Variants in FERMT2 observed in about 807,000 individuals in gnomAD.
FERMT2 encodes the protein FERM domain containing kindlin 2.
A neutral mutation model predicts 82.7 loss-of-function variants in FERMT2; 15 were observed. That is an observed-to-expected ratio of 0.18 (90% CI 0.12 to 0.28). FERMT2 has a LOEUF of 0.28. Among genes scored for constraint, FERMT2 ranks in the 10% least tolerant of loss-of-function variants. The pLI, the probability that FERMT2 is intolerant of heterozygous loss-of-function variation, is 1.00. For missense variants in FERMT2, 645 were observed against 809.4 expected (o/e 0.80, Z 2.46); for synonymous variants, 274 against 271.5 (o/e 1.01, Z -0.09).
chr14:52,918,592 T>C (rs1342404217), intron 3 of FERMT2, among the ~76,000 whole-genome samples: 1 of 152,254 alleles, frequency 6.6e-6, no homozygotes, highest in Non-Finnish European at 1.5e-5. Context: ...TTTTCTCAGA[T>C]GGTTGAATAC....
At chr14:52,883,518 C>G (rs774253037) in intron 4 of FERMT2, among the ~76,000 whole-genome samples, 1 of 152,092 alleles carries the variant, frequency 6.6e-6, no homozygotes, top group African/African-American at 2.4e-5. Context: ...AAATCTGTTA[C>G]GAAGAATGTC....
At chr14:52,899,571 T>C (rs1197796364) in intron 3 of FERMT2, among the ~76,000 whole-genome samples, 1 of 152,152 alleles carries the variant, frequency 6.6e-6, no homozygotes, top group Non-Finnish European at 1.5e-5. Flanking sequence ...TGTGAGCCAC[T>C]GCACCTAGCC....
intron 4 of FERMT2, among the ~76,000 whole-genome samples, chr14:52,885,116 C>T (rs2140129708): frequency 6.6e-6 from 1 of 151,980 alleles, no homozygotes; most frequent in East Asian, 1.9e-4. Flanking sequence ...AGTTTGAGAC[C>T]AGCCTAGCCA....
intron 3 of FERMT2, among the ~76,000 whole-genome samples, chr14:52,914,657 T>C (rs1201564286): frequency 6.6e-6 from 1 of 152,190 alleles, no homozygotes; most frequent in Admixed American, 6.5e-5. Context: ...TGGTGGCTCA[T>C]GCCTGCAATC....
At chr14:52,886,081 A>C (rs937916745) in intron 4 of FERMT2, among the ~76,000 whole-genome samples, 3 of 152,210 alleles carry the variant, frequency 2.0e-5, no homozygotes, top group Non-Finnish European at 2.9e-5. Flanking sequence ...AATTAATAGA[A>C]TATAAATGGC....
intron 4 of FERMT2, among the ~76,000 whole-genome samples, chr14:52,890,230 G>T (rs1886859844): frequency 6.6e-6 from 1 of 151,388 alleles, no homozygotes; most frequent in Admixed American, 6.6e-5. Context: ...AGGTCAGGAG[G>T]TGAGGAGTTC....
chr14:52,893,567 A>G, intron 3 of FERMT2, 140 bp from the exon 4 acceptor site: 1 of 617,584 alleles, frequency 1.6e-6, no homozygotes, highest in Middle Eastern at 4.4e-4. Context: ...GTCATGCAAA[A>G]CACTGATTAT....
chr14:52,872,801 C>T lies in FERMT2; in HGVS notation c.1271G>A (p.Arg424Lys), dbSNP rs768397781. The T allele has an allele frequency of 5.8e-5, 93 of 1,613,650 alleles. No individual in the cohort carries two copies. The highest frequency in any genetic ancestry group is 7.7e-5 in the Non-Finnish European group (91 of 1,179,866). The change falls in exon 10 of 15, where the codon AGG (arginine) becomes AAG (lysine). Residue 424 changes from arginine to lysine, a missense_variant and splice_region_variant. Transcript: ENST00000341590. ...CAGCCGTGCCAGGCTCTCCTTACCC[C>T]TGAGGTTCATCTGATGAGCTGGTGT... ...SGTPAHQMNL[R>K]GCEVTPDVNI...
chr14:52,864,258 G>T, intron 12 of FERMT2, 143 bp downstream of exon 12: 1 of 617,042 alleles, frequency 1.6e-6, no homozygotes, highest in Non-Finnish European at 2.8e-6. Context: ...TCAGATTAGG[G>T]ATACTCTAAC....
At chr14:52,869,299 C>T (rs2025634) in intron 10 of FERMT2, among the ~76,000 whole-genome samples, 115,444 of 152,028 alleles carry the variant, frequency 0.76, 46,814 homozygotes, top group Non-Finnish European at 0.89. Context: ...TTACCCAGGA[C>T]TGAGTTTTTC....
chr14:52,934,433 T>C (rs563269725), intron 2 of FERMT2, among the ~76,000 whole-genome samples: 3 of 152,366 alleles, frequency 2.0e-5, no homozygotes, highest in African/African-American at 7.2e-5. Flanking sequence ...ATATAATTTA[T>C]GATGTGGAGC....
At chr14:52,933,242 G>C (rs937684850) in intron 2 of FERMT2, among the ~76,000 whole-genome samples, 1 of 151,820 alleles carries the variant, frequency 6.6e-6, no homozygotes, top group Non-Finnish European at 1.5e-5. Flanking sequence ...CAAGTATTAC[G>C]GAGTCTATCC....
intron 9 of FERMT2, among the ~76,000 whole-genome samples, chr14:52,873,922 G>A (rs1219912389): frequency 6.6e-6 from 1 of 151,140 alleles, no homozygotes; most frequent in Non-Finnish European, 1.5e-5. Flanking sequence ...TTCAGCATCT[G>A]TATGATGCAA....
intron 4 of FERMT2, 84 bp downstream of exon 4, chr14:52,893,209 T>C (rs1459472605): frequency 4.7e-6 from 6 of 1,280,632 alleles, no homozygotes; most frequent in African/African-American, 1.5e-5. Context: ...CTGACCTACA[T>C]GATCCATTTA....
chr14:52,943,595 T>C (rs1437936225), intron 2 of FERMT2, among the ~76,000 whole-genome samples: 6 of 152,236 alleles, frequency 3.9e-5, no homozygotes, highest in African/African-American at 1.4e-4. Context: ...GTGATCACTA[T>C]ACTGTAATTA....
At chr14:52,893,536 T>C in intron 3 of FERMT2, 109 bp from the exon 4 acceptor site, 2 of 827,356 alleles carry the variant, frequency 2.4e-6, no homozygotes, top group Non-Finnish European at 3.7e-6. Context: ...TCTGTATGTC[T>C]GAGTTGTGTC....
Position 52,872,781 on chromosome 14 carries a change from G to C in FERMT2, c.1273+18C>G. On this transcript the variant is annotated intron_variant, in intron 10 of 14. Transcript: ENST00000341590. ...GGGGATGCCACCATCAACAACAGCC[G>C]TGCCAGGCTCTCCTTACCCCTGAGG... is the stretch of plus-strand genomic sequence containing the variant. 6.2e-7 allele frequency: 1 copy of C among 1,612,838 alleles called. No individual in the cohort carries two copies. The highest frequency in any genetic ancestry group is 8.5e-7 in the Non-Finnish European group (1 of 1,179,532).
chr14:52,878,625 A>G lies in FERMT2; in HGVS notation c.920T>C (p.Ile307Thr), dbSNP rs367678207. 3.8e-5 allele frequency: 61 copies of G among 1,610,884 alleles called. No homozygotes were observed. Among genetic ancestry groups the G allele is most frequent in the African/African-American group, 1.5e-4 (11 of 74,892 alleles). The change falls in exon 7 of 15, where the codon ATT becomes ACT. Residue 307 changes from isoleucine (I) to threonine (T), a missense_variant. Ile to Thr is a moderately conservative substitution (Grantham distance 89). Transcript: ENST00000341590. ...CATCATTTCTTCTTCTGTGCATTCA[A>G]TCTCTTCCAGGAGAATGGCCCATTT... is the stretch of plus-strand genomic sequence containing the variant. Reference protein sequence around the residue: ...QAKWAILLEEIECTEEEMMMF... With the variant: ...QAKWAILLEETECTEEEMMMF...
chr14:52,869,492 G>T (rs1242865164), intron 10 of FERMT2, among the ~76,000 whole-genome samples: 2 of 152,146 alleles, frequency 1.3e-5, no homozygotes, highest in Non-Finnish European at 2.9e-5. Context: ...ATATACGACA[G>T]CGACAATGCC....
Sources: gnomAD v4.1 joint callset for allele counts (sites outside exome capture counted in the v4.1 genomes callset) on GRCh38, gnomAD v4.1.1 for gene constraint, MANE v1.5 for transcripts, NCBI Gene and HGNC (gene_info 2026-07-23, HGNC 2026-07-21) for gene names.